The following BIRC6 variants were observed in gnomAD, a reference collection of about 807,000 sequenced individuals.
The protein encoded by BIRC6 is baculoviral IAP repeat containing 6, also known as dual E2 ubiquitin-conjugating enzyme/E3 ubiquitin-protein ligase BIRC6.
BIRC6 carries 98 observed loss-of-function variants against 503.3 expected under a neutral mutation model. That is an observed-to-expected ratio of 0.19 (90% CI 0.17 to 0.23). BIRC6 has a LOEUF of 0.23. BIRC6 is among the 10% of genes least tolerant of loss of function. The probability of loss-of-function intolerance (pLI) is 1.00; values close to 1 mark genes in which losing one functional copy is unlikely to be tolerated. For synonymous variants in BIRC6, 2,240 were observed against 2,078.7 expected, an observed-to-expected ratio of 1.08 and a Z score of -2.11; for missense variants, 5,360 against 5,806.0, an observed-to-expected ratio of 0.92 and a Z score of 2.50.
In BIRC6 at chr2:32,468,477, A is replaced by G; in HGVS notation, c.5821A>G (p.Ser1941Gly). The G allele has an allele frequency of 6.3e-7, 1 of 1,594,100 alleles. No individual in the cohort carries two copies. Among genetic ancestry groups the G allele is most frequent in the Non-Finnish European group, 8.6e-7 (1 of 1,169,272 alleles). The change falls in exon 29 of 74, where the codon AGT becomes GGT. Residue 1941 changes from serine to glycine, a missense_variant. Coordinates refer to ENST00000421745, the MANE Select transcript of BIRC6 (RefSeq NM_016252.4). Reference protein sequence around the residue: ...ACHRLETLLQSIDLPPLNSAN... With the variant: ...ACHRLETLLQGIDLPPLNSAN... ...TCATCGTCTGGAAACCCTTTTGCAAAGTATTGATCTTCCTCCTCTAAACAG... is the reference window on the plus strand; with the variant it reads ...TCATCGTCTGGAAACCCTTTTGCAAGGTATTGATCTTCCTCCTCTAAACAG...
rs781193029 is a variant in BIRC6 at position 32,433,730 on chromosome 2, C to T, written c.3335C>T (p.Ser1112Leu). The T allele has an allele frequency of 7.5e-6, 12 of 1,603,056 alleles. No individual in the cohort carries two copies. The highest frequency in any genetic ancestry group is 1.0e-5 in the Non-Finnish European group (12 of 1,172,416). The change falls in exon 13 of 74, where the codon TCA becomes TTA. Residue 1112 changes from serine to leucine, a missense_variant. Coordinates refer to ENST00000421745, the MANE Select transcript of BIRC6 (RefSeq NM_016252.4). Reference sequence around the variant, plus strand: ...GTGGACTTCAAATTCGTTTTGAACTCAAACATCACCAATATTCCACAGATA... The same window carrying T: ...GTGGACTTCAAATTCGTTTTGAACTTAAACATCACCAATATTCCACAGATA... ...GHVDFKFVLN[S>L]NITNIPQIQV...
chr2:32,396,110 AT>A (rs879409553), intron 6 of BIRC6, among the ~76,000 whole-genome samples: 2 of 152,204 alleles, frequency 1.3e-5, no homozygotes, highest in African/African-American at 2.4e-5. Flanking sequence ...ATAGTATATT[AT>A]TATAGCAAAT....
chr2:32,450,816 T>C (rs965606745), intron 22 of BIRC6, among the ~76,000 whole-genome samples: 2 of 152,188 alleles, frequency 1.3e-5, no homozygotes, highest in African/African-American at 4.8e-5. Flanking sequence ...TTAAATCATT[T>C]CTACATCACT....
At chr2:32,413,672 G>T (rs2042128350) in intron 9 of BIRC6, among the ~76,000 whole-genome samples, 1 of 147,762 alleles carries the variant, frequency 6.8e-6, no homozygotes. Context: ...TTCTGAGTAA[G>T]CTCATCTTAG....
At position 32,490,257 on chromosome 2, in the gene BIRC6, G is replaced by A. The variant is rs1242762870; in HGVS notation, c.8206+106G>A. ...CAAGGAGTGGTATACTTGTCAAAGT[G>A]GTTGAGTTGGCCAGATGTGGTGGCT... On this transcript the variant is annotated intron_variant, in intron 43 of 73. Coordinates refer to ENST00000421745, the MANE Select transcript of BIRC6 (RefSeq NM_016252.4). 5 of 1,002,354 alleles carry A rather than the reference G, an allele frequency of 5.0e-6. No individual in the cohort carries two copies. The Admixed American group carries it at 9.7e-5, about 19-fold the overall frequency. 62.1% of individuals were successfully genotyped at this position (1,002,354 alleles called of 1,614,324 possible).
At chr2:32,518,515 G>A in intron 56 of BIRC6, 118 bp downstream of exon 56, 1 of 1,052,658 alleles carries the variant, frequency 9.5e-7, no homozygotes. Context: ...AACTAGCACA[G>A]CCTTTATACC....
chr2:32,465,898 GTCT>G (rs1436845821), intron 26 of BIRC6, among the ~76,000 whole-genome samples: 1 of 144,044 alleles, frequency 6.9e-6, no homozygotes, highest in Non-Finnish European at 1.5e-5. Flanking sequence ...TAAAATAAAA[GTCT>G]TACAGTATTT....
intron 6 of BIRC6, among the ~76,000 whole-genome samples, chr2:32,398,063 A>G (rs1316905426): frequency 7.9e-5 from 12 of 152,104 alleles, no homozygotes; most frequent in Non-Finnish European, 1.8e-4. Context: ...TGAATTGTAA[A>G]GGGGAAAGGA....
At chr2:32,513,393 T>A (rs1036477707) in intron 54 of BIRC6, among the ~76,000 whole-genome samples, 11 of 152,224 alleles carry the variant, frequency 7.2e-5, no homozygotes, top group Non-Finnish European at 1.3e-4. Flanking sequence ...TTAATGTAGA[T>A]GTTGCTGTGG....
Position 32,548,365 on chromosome 2 carries a change from C to CTTTTTT in BIRC6, c.12975+368_12975+373dup, listed in dbSNP as rs1202755440. Reference sequence around the variant, plus strand: ...TATTTATATGCATTTTGGTTGCTTACTTTTTTTTTTTTTTTTTTTTTTGAG... The same window carrying CTTTTTT: ...TATTTATATGCATTTTGGTTGCTTACTTTTTTTTTTTTTTTTTTTTTTTTTTTTGAG... On this transcript the variant is annotated intron_variant, in intron 64 of 73. Transcript: ENST00000421745. Among the ~76,000 whole-genome samples the CTTTTTT allele has an allele frequency of 3.7e-4, 27 of 73,352 alleles. 1 individual carries two copies. Among genetic ancestry groups the CTTTTTT allele is most frequent in the African/African-American group, 5.5e-4 (10 of 18,166 alleles). 48.1% of individuals were successfully genotyped at this position (73,352 alleles called of 152,430 possible).
intron 66 of BIRC6, among the ~76,000 whole-genome samples, chr2:32,580,866 G>T (rs779915422): frequency 6.6e-6 from 1 of 152,160 alleles, no homozygotes; most frequent in East Asian, 1.9e-4. Context: ...TATATTCCAT[G>T]CTCCAGATAT....
chr2:32,433,310 T>C (rs1300872826), intron 12 of BIRC6, among the ~76,000 whole-genome samples: 1 of 152,190 alleles, frequency 6.6e-6, no homozygotes, highest in East Asian at 1.9e-4. Flanking sequence ...ATTGTTGTTT[T>C]GAAATGAAGA....
intron 50 of BIRC6, among the ~76,000 whole-genome samples, chr2:32,506,126 G>A (rs1174920855): frequency 6.6e-6 from 1 of 152,092 alleles, no homozygotes; most frequent in Non-Finnish European, 1.5e-5. Context: ...TGAGATTACA[G>A]GTGTGACTAC....
rs552132693 is a variant in BIRC6, at chr2:32,370,401, T to C, written c.326-7187T>C. Among the ~76,000 whole-genome samples, 63 of 152,326 alleles carry C rather than the reference T, an allele frequency of 4.1e-4. 2 individuals carry two copies. Among genetic ancestry groups the C allele is most frequent in the African/African-American group, 1.5e-3 (62 of 41,588 alleles). ...TTAATTCCAGTAATTTTGTATCTTT[T>C]GGAGAACCTCTTCTGTGCTTAAGTA... On this transcript the variant is annotated intron_variant, in intron 1 of 73. Transcript: ENST00000421745.
At chr2:32,529,228 A>G (rs773641984) in intron 59 of BIRC6, 1 of 154,054 alleles carries the variant, frequency 6.5e-6, no homozygotes, top group African/African-American at 2.4e-5. Flanking sequence ...TCTGCCTGCA[A>G]TAAAGTTTTG....
chr2:32,424,814 A>T (rs1036316994), intron 10 of BIRC6, among the ~76,000 whole-genome samples: 2 of 151,982 alleles, frequency 1.3e-5, no homozygotes, highest in Non-Finnish European at 2.9e-5. Flanking sequence ...CGTCTGGCCT[A>T]TGTTTAACCT....
intron 71 of BIRC6, among the ~76,000 whole-genome samples, chr2:32,604,346 T>C (rs1356052500): frequency 6.6e-6 from 1 of 152,216 alleles, no homozygotes; most frequent in Non-Finnish European, 1.5e-5. Context: ...ACTGTTTCTC[T>C]GCTTATTTCC....
At chr2:32,507,104 T>G (rs1355671535) in intron 50 of BIRC6, among the ~76,000 whole-genome samples, 3 of 152,148 alleles carry the variant, frequency 2.0e-5, no homozygotes, top group Non-Finnish European at 2.9e-5. Flanking sequence ...AGAATTGATT[T>G]TTTAAAAAAA....
chr2:32,501,266 AAT>A (rs1197615974), intron 46 of BIRC6, among the ~76,000 whole-genome samples: 1 of 152,230 alleles, frequency 6.6e-6, no homozygotes, highest in Admixed American at 6.5e-5. Flanking sequence ...GATTAAAAAG[AAT>A]AGTTACATGC....
Sources: allele counts gnomAD v4.1 joint callset (sites outside exome capture counted in the v4.1 genomes callset), GRCh38; gene constraint gnomAD v4.1.1; transcripts MANE v1.5; gene names NCBI Gene and HGNC (gene_info 2026-07-23, HGNC 2026-07-21).